Variants in CSGALNACT1 observed in about 807,000 individuals in gnomAD.
The protein encoded by CSGALNACT1 is chondroitin sulfate N-acetylgalactosaminyltransferase 1.
A neutral mutation model predicts 51.0 loss-of-function variants in CSGALNACT1; 52 were observed. The ratio of observed to expected loss-of-function variants is 1.02; its 90% CI spans 0.82 to 1.29. CSGALNACT1 has a LOEUF of 1.29. Among genes scored for constraint, CSGALNACT1 ranks in the 50% most tolerant of loss-of-function variants. The pLI is 0.00. For synonymous variants in CSGALNACT1, 341 were observed against 254.4 expected, an observed-to-expected ratio of 1.34 and a Z score of -3.24; for missense variants, 935 against 679.2, an observed-to-expected ratio of 1.38 and a Z score of -4.19.
chr8:19,512,539 C>T (rs766169581), intron 3 of CSGALNACT1, among the ~76,000 whole-genome samples: 4 of 152,188 alleles, frequency 2.6e-5, no homozygotes, highest in African/African-American at 4.8e-5. Context: ...TATCTCTCAA[C>T]CATACACTAT....
intron 1 of CSGALNACT1, among the ~76,000 whole-genome samples, chr8:19,655,523 C>T (rs552902383): frequency 9.4e-6 from 1 of 105,832 alleles, no homozygotes; most frequent in South Asian, 3.0e-4. Context: ...CCATTCCCCA[C>T]TAATTTTTAC....
chr8:19,483,667 C>G (rs2072081649), intron 4 of CSGALNACT1, among the ~76,000 whole-genome samples: 1 of 152,206 alleles, frequency 6.6e-6, no homozygotes, highest in Non-Finnish European at 1.5e-5. Flanking sequence ...ATTATGTAAT[C>G]TCTGTAATCT....
chr8:19,711,374 G>C (rs1374127799), intron 1 of CSGALNACT1, among the ~76,000 whole-genome samples: 4 of 152,188 alleles, frequency 2.6e-5, no homozygotes, highest in African/African-American at 9.7e-5. Flanking sequence ...AAGGAAGAGA[G>C]TGTAACAAGT....
chr8:19,727,196 G>A (rs572691124), intron 1 of CSGALNACT1, among the ~76,000 whole-genome samples: 1 of 152,312 alleles, frequency 6.6e-6, no homozygotes, highest in East Asian at 1.9e-4. Context: ...TTATGGAAAG[G>A]AGTGGATGAT....
At chr8:19,746,037 G>A (rs555656047) in intron 1 of CSGALNACT1, among the ~76,000 whole-genome samples, 1 of 152,144 alleles carries the variant, frequency 6.6e-6, no homozygotes, top group Non-Finnish European at 1.5e-5. Context: ...ATATCTGGGA[G>A]ACCTGAGGGT....
intron 1 of CSGALNACT1, among the ~76,000 whole-genome samples, chr8:19,715,955 G>C (rs964277502): frequency 2.0e-5 from 3 of 152,196 alleles, no homozygotes; most frequent in Non-Finnish European, 1.5e-5. Context: ...CCATGTCTCA[G>C]AGAAAGTCTC....
At chr8:19,596,957 C>G (rs2049034474) in intron 2 of CSGALNACT1, among the ~76,000 whole-genome samples, 1 of 152,172 alleles carries the variant, frequency 6.6e-6, no homozygotes, top group African/African-American at 2.4e-5. Context: ...TCTTTTTCAT[C>G]TTGCATAACT....
intron 1 of CSGALNACT1, among the ~76,000 whole-genome samples, chr8:19,649,312 G>A (rs985842562): frequency 6.6e-6 from 1 of 152,124 alleles, no homozygotes; most frequent in African/African-American, 2.4e-5. Context: ...GCTTCTAAGA[G>A]TAGTCACTCT....
At chr8:19,571,577 T>C (rs1043996366) in intron 3 of CSGALNACT1, among the ~76,000 whole-genome samples, 2 of 151,854 alleles carry the variant, frequency 1.3e-5, no homozygotes, top group Non-Finnish European at 2.9e-5. Flanking sequence ...GATCTACACA[T>C]ATTTTAAGTT....
At chr8:19,559,471 C>T (rs2040213942) in intron 3 of CSGALNACT1, among the ~76,000 whole-genome samples, 1 of 152,080 alleles carries the variant, frequency 6.6e-6, no homozygotes, top group Admixed American at 6.5e-5. Context: ...CAAATTAAAA[C>T]CTAGCCAGTG....
At chr8:19,538,628 T>A (rs2084339574) in intron 3 of CSGALNACT1, among the ~76,000 whole-genome samples, 1 of 152,100 alleles carries the variant, frequency 6.6e-6, no homozygotes, top group African/African-American at 2.4e-5. Flanking sequence ...CATAAAGGTT[T>A]AGTTTCTTGA....
At chr8:19,499,820 GAC>G (rs2076111256) in intron 4 of CSGALNACT1, among the ~76,000 whole-genome samples, 2 of 152,324 alleles carry the variant, frequency 1.3e-5, no homozygotes, top group African/African-American at 4.8e-5. Flanking sequence ...TCAATTCTGA[GAC>G]ACATGAACAT....
chr8:19,645,701 G>A (rs1296815730), intron 1 of CSGALNACT1, among the ~76,000 whole-genome samples: 1 of 152,222 alleles, frequency 6.6e-6, no homozygotes, highest in Non-Finnish European at 1.5e-5. Flanking sequence ...GGCACTGCCT[G>A]ACTTGCAAGC....
At chr8:19,446,389 C>T (rs1010012735) in intron 5 of CSGALNACT1, among the ~76,000 whole-genome samples, 8 of 152,214 alleles carry the variant, frequency 5.3e-5, no homozygotes, top group African/African-American at 1.9e-4. Context: ...CAGGAAACTC[C>T]AACTTCCTAA....
chr8:19,515,282 A>T (rs1476917363), intron 3 of CSGALNACT1, among the ~76,000 whole-genome samples: 1 of 151,910 alleles, frequency 6.6e-6, no homozygotes, highest in Non-Finnish European at 1.5e-5. Flanking sequence ...CCCACAACCC[A>T]CTTCCCTTCC....
chr8:19,420,608 T>A (rs902177151), intron 6 of CSGALNACT1, 90 bp from the exon 6 acceptor site: 46 of 1,366,734 alleles, frequency 3.4e-5, no homozygotes, highest in Non-Finnish European at 4.5e-5. Context: ...CATCCACATC[T>A]TGACCCATTT....
intron 1 of CSGALNACT1, among the ~76,000 whole-genome samples, chr8:19,649,392 T>C (rs545101348): frequency 1.3e-5 from 2 of 152,308 alleles, no homozygotes; most frequent in South Asian, 2.1e-4. Context: ...TGGTATTCTA[T>C]ACATGAGCGT....
intron 3 of CSGALNACT1, among the ~76,000 whole-genome samples, chr8:19,512,954 A>G (rs2154017290): frequency 6.6e-6 from 1 of 152,316 alleles, no homozygotes; most frequent in South Asian, 2.1e-4. Flanking sequence ...GAAGTGATGA[A>G]GCACAGCAGC....
chr8:19,423,562 G>A (rs1199847179), intron 6 of CSGALNACT1, among the ~76,000 whole-genome samples: 1 of 152,190 alleles, frequency 6.6e-6, no homozygotes, highest in Non-Finnish European at 1.5e-5. Flanking sequence ...ATTGGGTACA[G>A]GATGGGCTTC....
Sources: gnomAD v4.1 joint callset for allele counts (sites outside exome capture counted in the v4.1 genomes callset) on GRCh38, gnomAD v4.1.1 for gene constraint, MANE v1.5 for transcripts, NCBI Gene and HGNC (gene_info 2026-07-23, HGNC 2026-07-21) for gene names.